The following ITPK1 variants were observed in gnomAD, a reference collection of about 807,000 sequenced individuals.
The protein encoded by ITPK1 is inositol 1,3,4-trisphosphate 5/6-kinase.
A neutral mutation model predicts 45.3 loss-of-function variants in ITPK1; 21 were observed. The observed-to-expected ratio is 0.46, with a 90% CI of 0.33 to 0.67. ITPK1 has a LOEUF of 0.67. Among genes scored for constraint, ITPK1 ranks in the 30% least tolerant of loss-of-function variants. The probability of loss-of-function intolerance (pLI) is 0.02; values close to 1 mark genes in which losing one functional copy is unlikely to be tolerated. For synonymous variants in ITPK1, 258 were observed against 253.6 expected (o/e 1.02, Z -0.16); for missense variants, 474 against 573.5 (o/e 0.83, Z 1.77).
chr14:93,047,119 G>A (rs1462989043), intron 3 of ITPK1, among the ~76,000 whole-genome samples: 1 of 152,236 alleles, frequency 6.6e-6, no homozygotes. Flanking sequence ...GCCAAGCCGG[G>A]CTGCTGGTGA....
At chr14:92,973,968 G>C (rs747600975) in intron 5 of ITPK1, among the ~76,000 whole-genome samples, 19 of 152,330 alleles carry the variant, frequency 1.2e-4, no homozygotes, top group Admixed American at 2.0e-4. Flanking sequence ...CTTGCCCGCA[G>C]GCAGGGCCCC....
intron 5 of ITPK1, among the ~76,000 whole-genome samples, chr14:92,991,523 T>C (rs1886788466): frequency 6.6e-6 from 1 of 151,976 alleles, no homozygotes. Flanking sequence ...CACCCACAGC[T>C]CTCCCCTTAT....
In ITPK1 at chr14:93,016,828, G is replaced by C; in HGVS notation, c.121-27C>G. The C allele has an allele frequency of 1.2e-6, 2 of 1,612,314 alleles. No homozygotes were observed. On this transcript the variant is annotated intron_variant, in intron 3 of 10. Coordinates refer to ENST00000267615, the MANE Select transcript of ITPK1 (RefSeq NM_014216.6). This position sits in a 1 kb window ranked among gnomAD's most constrained non-coding sequence, Gnocchi z 5.0. ...TGTGAGGCAGGGAACACAGACAAAAGCAACAACTTCAGCACCTGAGTCCAC... is the reference window on the plus strand; with the variant it reads ...TGTGAGGCAGGGAACACAGACAAAACCAACAACTTCAGCACCTGAGTCCAC...
intron 5 of ITPK1, among the ~76,000 whole-genome samples, chr14:92,986,230 A>G (rs573108956): frequency 5.4e-4 from 82 of 152,344 alleles, no homozygotes; most frequent in African/African-American, 1.7e-3. Flanking sequence ...TGAGCTATAA[A>G]TTCACACTAA....
intron 5 of ITPK1, among the ~76,000 whole-genome samples, chr14:92,973,390 C>A (rs1047613281): frequency 1.3e-5 from 2 of 152,236 alleles, no homozygotes; most frequent in Non-Finnish European, 2.9e-5. Context: ...GGAGGAGGGG[C>A]CTGCAATCTC....
intron 4 of ITPK1, among the ~76,000 whole-genome samples, chr14:93,009,361 C>A (rs1222629180): frequency 2.0e-5 from 3 of 152,252 alleles, no homozygotes; most frequent in Admixed American, 6.5e-5. Context: ...GGGGCTGCAG[C>A]CCACATGCTG....
intron 2 of ITPK1, among the ~76,000 whole-genome samples, chr14:93,098,284 G>A (rs1270752550): frequency 8.6e-5 from 13 of 151,960 alleles, no homozygotes; most frequent in Non-Finnish European, 1.6e-4. Context: ...GTGAAACCCC[G>A]TCTCTACTAA....
rs1887263553 is a variant in ITPK1, at chr14:92,939,737, C to T, written c.*1824G>A. On this transcript the variant is annotated 3_prime_UTR_variant, in exon 11 of 11. Coordinates refer to ENST00000267615, the MANE Select transcript of ITPK1 (RefSeq NM_014216.6). ...AGGAGTCACGCTGCACACCCCCACCCGTACCTGAGGCAGACTGGGATTGAA... is the reference window on the plus strand; with the variant it reads ...AGGAGTCACGCTGCACACCCCCACCTGTACCTGAGGCAGACTGGGATTGAA... The T allele has an allele frequency of 1.3e-5, 13 of 985,410 alleles. No homozygotes were observed. Among genetic ancestry groups the T allele is most frequent in the Non-Finnish European group, 1.4e-5 (12 of 829,976 alleles). 61.0% of individuals were successfully genotyped at this position (985,410 alleles called of 1,614,324 possible).
chr14:92,941,091 A>G lies in ITPK1; in HGVS notation c.*470T>C. ...GTAGGAGGAAAAACAAGGAAGGGGC[A>G]GGTCAGGGAGTGGGGAGTCAGGCAG... On this transcript the variant is annotated 3_prime_UTR_variant, in exon 11 of 11. Transcript: ENST00000267615. 8.3e-7 allele frequency: 1 copy of G among 1,201,134 alleles called. No homozygotes were observed. Among genetic ancestry groups the G allele is most frequent in the Non-Finnish European group, 1.1e-6 (1 of 948,082 alleles). The allele number at this position is 1,201,134 out of a possible 1,614,324, so 74.4% of individuals were successfully genotyped here. A position where few individuals can be genotyped will look rare whatever the true frequency, so the allele number is the denominator to read the frequency against.
chr14:93,089,740 G>A (rs1891793159), intron 2 of ITPK1, among the ~76,000 whole-genome samples: 1 of 152,134 alleles, frequency 6.6e-6, no homozygotes, highest in African/African-American at 2.4e-5. Flanking sequence ...GCCAGCTCTC[G>A]GCAGGCGGGC....
At chr14:93,099,165 G>T (rs998091943) in intron 2 of ITPK1, among the ~76,000 whole-genome samples, 9 of 152,234 alleles carry the variant, frequency 5.9e-5, no homozygotes, top group African/African-American at 1.2e-4. Context: ...GCTCAGCTGT[G>T]GGGGGCCAGG....
chr14:93,027,211 G>C (rs1025359777), intron 3 of ITPK1, among the ~76,000 whole-genome samples: 4 of 152,280 alleles, frequency 2.6e-5, no homozygotes, highest in Middle Eastern at 3.4e-3. Flanking sequence ...AAGGGAGACT[G>C]CTCATCATGT....
intron 5 of ITPK1, among the ~76,000 whole-genome samples, chr14:92,978,467 A>G (rs1886057972): frequency 6.6e-6 from 1 of 152,158 alleles, no homozygotes; most frequent in East Asian, 1.9e-4. Context: ...GCTAATAGCC[A>G]AGACAATAGG....
In ITPK1 at chr14:92,940,886, C is replaced by T. The variant is rs567194140; in HGVS notation, c.*675G>A. 149 of 1,288,616 alleles carry T rather than the reference C, an allele frequency of 1.2e-4. No homozygotes were observed. Among genetic ancestry groups the T allele is most frequent in the East Asian group, 6.1e-4 (11 of 18,020 alleles). The allele number at this position is 1,288,616 out of a possible 1,614,324, so 79.8% of individuals were successfully genotyped here. A position where few individuals can be genotyped will look rare whatever the true frequency, so the allele number is the denominator to read the frequency against. On this transcript the variant is annotated 3_prime_UTR_variant, in exon 11 of 11. Transcript: ENST00000267615. ...GACCGCTGTGCAGGGCTAAATGGGACGTGTGTTGGGGGGCCCAGAGGACGC... is the reference window on the plus strand; with the variant it reads ...GACCGCTGTGCAGGGCTAAATGGGATGTGTGTTGGGGGGCCCAGAGGACGC...
chr14:92,940,899 G>A lies in ITPK1; in HGVS notation c.*662C>T, dbSNP rs1015435190. On this transcript the variant is annotated 3_prime_UTR_variant, in exon 11 of 11. Transcript: ENST00000267615. ...GGCTAAATGGGACGTGTGTTGGGGG[G>A]CCCAGAGGACGCCCAGCTTCCTTTC... 7.8e-6 allele frequency: 10 copies of A among 1,288,242 alleles called. No individual in the cohort carries two copies. The highest frequency in any genetic ancestry group is 9.1e-6 in the Non-Finnish European group (9 of 988,754). 79.8% of individuals were successfully genotyped at this position (1,288,242 alleles called of 1,614,324 possible). A position where few individuals can be genotyped will look rare whatever the true frequency, so the allele number is the denominator to read the frequency against.
chr14:93,062,836 A>G (rs891855986), intron 3 of ITPK1, among the ~76,000 whole-genome samples: 1 of 152,182 alleles, frequency 6.6e-6, no homozygotes, highest in Admixed American at 6.5e-5. Flanking sequence ...CCCCAAGAAG[A>G]TATACTGGGT....
rs749842755 is a variant in ITPK1 at position 92,941,706 on chromosome 14, C to T, written c.1100G>A (p.Gly367Asp). ...ASPGCCGSMM[G>D]QDAPWKAEAD... ...CTCAGCCTTCCAGGGCGCGTCCTGGCCCATCATGCTGCCGCAGCAGCCGGG... is the reference window on the plus strand; with the variant it reads ...CTCAGCCTTCCAGGGCGCGTCCTGGTCCATCATGCTGCCGCAGCAGCCGGG... Residue 367 changes from glycine (G) to aspartate (D), a missense_variant, in exon 11 of 11, where the codon GGC (glycine) becomes GAC (aspartate). By Grantham distance (94) the Gly-to-Asp change is moderately conservative (BLOSUM62 -1). Coordinates refer to ENST00000267615, the MANE Select transcript of ITPK1 (RefSeq NM_014216.6). 2 of 1,570,100 alleles carry T rather than the reference C, an allele frequency of 1.3e-6. No homozygotes were observed. The highest frequency in any genetic ancestry group is 1.2e-5 in the South Asian group (1 of 86,930).
rs1485976373 is a variant in ITPK1, at chr14:93,062,831, A to G, written c.120+13764T>C. On this transcript the variant is annotated intron_variant, in intron 3 of 10. Transcript: ENST00000267615. ...ACCAAGGCGTTTCATCTTCTCCCCA[A>G]GAAGATATACTGGGTGGGCAGGGGT... Among the ~76,000 whole-genome samples the G allele has an allele frequency of 3.3e-5, 5 of 152,194 alleles. No homozygotes were observed. In the East Asian group the frequency reaches 9.6e-4, roughly 29 times the overall value.
intron 3 of ITPK1, among the ~76,000 whole-genome samples, chr14:93,031,412 T>C (rs746571458): frequency 6.6e-6 from 1 of 152,178 alleles, no homozygotes; most frequent in African/African-American, 2.4e-5. Context: ...AGGTGAGGTG[T>C]CAGCACCTTG....
Sources: gnomAD v4.1 joint callset for allele counts (sites outside exome capture counted in the v4.1 genomes callset) on GRCh38, gnomAD v4.1.1 for gene constraint, Gnocchi (gnomAD v3.1) non-coding constraint, MANE v1.5 for transcripts, NCBI Gene and HGNC (gene_info 2026-07-23, HGNC 2026-07-21) for gene names.